The following KCNQ5 variants were observed in gnomAD, a reference collection of about 807,000 sequenced individuals.
KCNQ5 encodes potassium voltage-gated channel subfamily KQT member 5.
A neutral mutation model predicts 98.2 loss-of-function variants in KCNQ5; 30 were observed. The ratio of observed to expected loss-of-function variants is 0.31; its 90% confidence interval spans 0.23 to 0.41. KCNQ5 has a LOEUF of 0.41. KCNQ5 is among the 10% of genes least tolerant of loss of function. The pLI is 1.00. For missense variants in KCNQ5, 835 were observed against 1,182.5 expected, an observed-to-expected ratio of 0.71 and a Z score of 4.31; for synonymous variants, 458 against 449.4, an observed-to-expected ratio of 1.02 and a Z score of -0.24.
intron 1 of KCNQ5, among the ~76,000 whole-genome samples, chr6:72,872,557 GCT>G (rs1491308879): frequency 6.6e-6 from 1 of 152,072 alleles, no homozygotes; most frequent in African/African-American, 2.4e-5. Flanking sequence ...CCTCTCAAAA[GCT>G]CTGTTAGGCA....
chr6:73,137,778 C>T (rs1248818240), intron 10 of KCNQ5, among the ~76,000 whole-genome samples: 1 of 152,196 alleles, frequency 6.6e-6, no homozygotes, highest in African/African-American at 2.4e-5. Flanking sequence ...AGCCACCATG[C>T]ACATGCAGGC....
At chr6:72,808,951 T>C (rs1430696244) in intron 1 of KCNQ5, among the ~76,000 whole-genome samples, 1 of 151,398 alleles carries the variant, frequency 6.6e-6, no homozygotes, top group Non-Finnish European at 1.5e-5. Flanking sequence ...CGTATGTTTA[T>C]TGCAGCATTA....
chr6:72,910,307 C>CA (rs1779877094), intron 1 of KCNQ5, among the ~76,000 whole-genome samples: 2 of 152,084 alleles, frequency 1.3e-5, no homozygotes, highest in Admixed American at 1.3e-4. Flanking sequence ...TTAACCTTCT[C>CA]ATCTTATAGT....
intron 1 of KCNQ5, among the ~76,000 whole-genome samples, chr6:72,902,187 G>C (rs7739065): frequency 1.1e-3 from 167 of 152,138 alleles, no homozygotes; most frequent in African/African-American, 3.8e-3. Flanking sequence ...GTGGACATTA[G>C]TTTTGTATCT....
chr6:72,637,251 T>A, intron 1 of KCNQ5, among the ~76,000 whole-genome samples: 1 of 96,734 alleles, frequency 1.0e-5, no homozygotes, highest in African/African-American at 2.8e-5. Context: ...AACCAAAAGT[T>A]GTGTTTTTTT....
intron 6 of KCNQ5, 67 bp from the exon 7 acceptor site, chr6:73,111,241 T>C: frequency 9.1e-7 from 1 of 1,098,624 alleles, no homozygotes; most frequent in East Asian, 2.4e-5. Flanking sequence ...TTAGTGACTT[T>C]TTAATATTTG....
chr6:72,754,562 A>T (rs1441114754), intron 1 of KCNQ5, among the ~76,000 whole-genome samples: 2 of 152,106 alleles, frequency 1.3e-5, no homozygotes, highest in African/African-American at 2.4e-5. Flanking sequence ...GCAGACAGGG[A>T]CCAAGGATGC....
rs58586679 is a variant in KCNQ5 at position 73,080,900 on chromosome 6, C to A, written c.918+3013C>A. 1.8e-3 allele frequency among the ~76,000 whole-genome samples: 280 copies of A among 152,250 alleles called. 6 individuals are homozygous for A. In the East Asian group the frequency reaches 0.044, roughly 24 times the overall value. On this transcript the variant is annotated intron_variant, in intron 5 of 13. Transcript: ENST00000370398. The stretch of plus-strand genomic sequence containing the variant: ...CCTAGATCAACATTTGGAGGGATAT[C>A]ATGGTGGGATCAGTGCTGCCCAAAA...
chr6:72,664,634 C>T (rs1766703133), intron 1 of KCNQ5, among the ~76,000 whole-genome samples: 1 of 151,360 alleles, frequency 6.6e-6, no homozygotes, highest in Non-Finnish European at 1.5e-5. Context: ...CCAGCCTGGG[C>T]AACAGAGCAA....
intron 12 of KCNQ5, among the ~76,000 whole-genome samples, chr6:73,192,045 A>G (rs1375251589): frequency 6.6e-6 from 1 of 152,202 alleles, no homozygotes; most frequent in East Asian, 1.9e-4. Flanking sequence ...AAAACTGTCT[A>G]CAGCTCCCAA....
rs573596999 is a variant in KCNQ5 at position 73,158,112 on chromosome 6, G to T, written c.1469-11634G>T. 1.3e-5 allele frequency: 6 copies of T among 452,170 alleles called. No homozygotes were observed. In the East Asian group the frequency reaches 1.5e-4, roughly 11 times the overall value. 28.0% of individuals were successfully genotyped at this position (452,170 alleles called of 1,614,324 possible). A position where few individuals can be genotyped will look rare whatever the true frequency, so the allele number is the denominator to read the frequency against. On this transcript the variant is annotated intron_variant, in intron 10 of 13. Coordinates refer to ENST00000370398, the MANE Select transcript of KCNQ5 (RefSeq NM_019842.4). ...GAGCCAGTACAGGTGCTGCCGCCGC[G>T]CTCGCCCTCCCGCTACAGGTTGCTC...
intron 1 of KCNQ5, among the ~76,000 whole-genome samples, chr6:72,672,538 A>G (rs148462877): frequency 6.6e-6 from 1 of 152,312 alleles, no homozygotes; most frequent in Non-Finnish European, 1.5e-5. Flanking sequence ...ATAAAAGTAT[A>G]TAAGTTTTGG....
chr6:72,722,436 T>G (rs1172943222), intron 1 of KCNQ5, among the ~76,000 whole-genome samples: 4 of 152,002 alleles, frequency 2.6e-5, no homozygotes, highest in African/African-American at 9.7e-5. Context: ...TGTCTAGGAG[T>G]GTTTATATGC....
chr6:72,852,378 A>C lies in KCNQ5; in HGVS notation c.399-151530A>C, dbSNP rs543595031. 9.8e-4 allele frequency among the ~76,000 whole-genome samples: 149 copies of C among 151,980 alleles called. 1 individual carries two copies. Among genetic ancestry groups the C allele is most frequent in the Non-Finnish European group, 1.8e-3 (125 of 67,928 alleles). ...CAACCTATGTGCCCATCAATGGATG[A>C]ATGGATTTTTTTTTAATTTGGTATA... On this transcript the variant is annotated intron_variant, in intron 1 of 13. Transcript: ENST00000370398.
At chr6:72,709,078 A>T (rs898844290) in intron 1 of KCNQ5, among the ~76,000 whole-genome samples, 3 of 152,304 alleles carry the variant, frequency 2.0e-5, no homozygotes, top group African/African-American at 7.2e-5. Flanking sequence ...TCCTGTCCTC[A>T]ACTGATCCAC....
chr6:73,142,338 T>C (rs1776755759), intron 10 of KCNQ5, among the ~76,000 whole-genome samples: 1 of 152,164 alleles, frequency 6.6e-6, no homozygotes. Flanking sequence ...TTATGTCTTT[T>C]AAATTGCAGA....
intron 1 of KCNQ5, among the ~76,000 whole-genome samples, chr6:72,737,676 T>A (rs1414110037): frequency 6.6e-6 from 1 of 152,224 alleles, no homozygotes; most frequent in Non-Finnish European, 1.5e-5. Flanking sequence ...TTTTGGAAAC[T>A]TTTCCTTTTA....
chr6:72,976,604 T>A (rs1768169306), intron 1 of KCNQ5, among the ~76,000 whole-genome samples: 1 of 152,206 alleles, frequency 6.6e-6, no homozygotes, highest in Non-Finnish European at 1.5e-5. Context: ...TTCTCGGTTG[T>A]GGATGGGCAC....
At chr6:72,695,118 T>TG in intron 1 of KCNQ5, among the ~76,000 whole-genome samples, 1 of 152,316 alleles carries the variant, frequency 6.6e-6, no homozygotes, top group African/African-American at 2.4e-5. Flanking sequence ...CCACCAATGA[T>TG]GGGCACCTAG....
Sources: allele counts gnomAD v4.1 joint callset (sites outside exome capture counted in the v4.1 genomes callset), GRCh38; gene constraint gnomAD v4.1.1; transcripts MANE v1.5; gene names NCBI Gene and HGNC (gene_info 2026-07-23, HGNC 2026-07-21).